Variants in BRD1 observed in about 807,000 individuals in gnomAD.
The protein encoded by BRD1 is bromodomain-containing protein 1.
Under a neutral mutation model 107.7 loss-of-function variants are expected in BRD1, and 24 were observed. The observed-to-expected ratio is 0.22, with a 90% CI of 0.16 to 0.31. The LOEUF is 0.31. Among genes scored for constraint, BRD1 ranks in the 10% least tolerant of loss-of-function variants. The probability of loss-of-function intolerance (pLI) is 1.00; values close to 1 mark genes in which losing one functional copy is unlikely to be tolerated. For missense variants in BRD1, 1,279 were observed against 1,638.6 expected, an observed-to-expected ratio of 0.78 and a Z score of 3.79; for synonymous variants, 744 against 686.1, an observed-to-expected ratio of 1.08 and a Z score of -1.32.
intron 3 of BRD1, among the ~76,000 whole-genome samples, chr22:49,800,269 C>T (rs1402995948): frequency 6.6e-6 from 1 of 152,300 alleles, no homozygotes; most frequent in East Asian, 1.9e-4. Flanking sequence ...ACCCCCACCC[C>T]CAAGGCCAGG....
rs148280130 is a variant in BRD1, at chr22:49,792,584, G to A, written c.2359+1450C>T. Reference sequence around the variant, plus strand: ...CCTTTGGGAGAAGAGAAAACCAAGCGCTCACCTTGAAATAGAAAAGCCTTT... The same window carrying A: ...CCTTTGGGAGAAGAGAAAACCAAGCACTCACCTTGAAATAGAAAAGCCTTT... On this transcript the variant is annotated intron_variant, in intron 7 of 12. Transcript: ENST00000404760. This position sits in a 1 kb window ranked among gnomAD's most constrained non-coding sequence, Gnocchi z 4.2. Among the ~76,000 whole-genome samples the A allele has an allele frequency of 0.019, 2,892 of 152,304 alleles. 81 individuals carry two copies. Among genetic ancestry groups the A allele is most frequent in the African/African-American group, 0.066 (2,725 of 41,550 alleles).
intron 6 of BRD1, among the ~76,000 whole-genome samples, chr22:49,794,587 C>T (rs929368837): frequency 1.3e-5 from 2 of 152,234 alleles, no homozygotes; most frequent in African/African-American, 4.8e-5. Flanking sequence ...GACCAGGACC[C>T]ACTGAGGCTG....
chr22:49,815,185 T>G (rs1412762390), intron 2 of BRD1, among the ~76,000 whole-genome samples: 1 of 152,226 alleles, frequency 6.6e-6, no homozygotes, highest in East Asian at 1.9e-4. Flanking sequence ...ACGCAGCCCA[T>G]GCTCTGAGCA....
chr22:49,811,952 T>C (rs1260862014), intron 2 of BRD1, among the ~76,000 whole-genome samples: 2 of 152,240 alleles, frequency 1.3e-5, no homozygotes, highest in East Asian at 3.8e-4. Context: ...TTTTAAAATA[T>C]ACTAAGATCT....
At position 49,824,264 on chromosome 22, in the gene BRD1, G is replaced by T; in HGVS notation, c.54C>A (p.Ser18=). ...HRGSAARHPS[S]PCSVKHSPTR... is the part of the protein sequence containing the mutation. ...TAGGGGAGTGTTTAACACTGCATGG[G>T]GAAGAAGGATGCCTCGCTGCAGAGC... The change falls in exon 2 of 13, where the codon TCC becomes TCA. Residue 18 remains serine (S), a synonymous_variant. Transcript: ENST00000404760. The surrounding 1 kb of genome is among the most constrained non-coding windows in gnomAD (Gnocchi z 5.9). 6.2e-7 allele frequency: 1 copy of T among 1,614,002 alleles called. No homozygotes were observed. Among genetic ancestry groups the T allele is most frequent in the South Asian group, 1.1e-5 (1 of 91,080 alleles).
intron 7 of BRD1, among the ~76,000 whole-genome samples, chr22:49,793,262 T>C (rs1280971678): frequency 6.6e-6 from 1 of 152,192 alleles, no homozygotes; most frequent in Admixed American, 6.5e-5. Flanking sequence ...ACACACCAGC[T>C]CTACTTCCTC....
Position 49,803,455 on chromosome 22 carries a change from G to C in BRD1, c.1524+749C>G, listed in dbSNP as rs2059679600. The stretch of plus-strand genomic sequence containing the variant: ...GGCTCCTCACTAGGCAGCGTGGGCA[G>C]AGGGCGCTGGCCGCAGGTCCTGGGC... On this transcript the variant is annotated intron_variant, in intron 3 of 12. Transcript: ENST00000404760. This position sits in a 1 kb window ranked among gnomAD's most constrained non-coding sequence, Gnocchi z 4.4. Among the ~76,000 whole-genome samples the C allele has an allele frequency of 6.6e-6, 1 of 152,244 alleles. No individual in the cohort carries two copies. Among genetic ancestry groups the C allele is most frequent in the South Asian group, 2.1e-4 (1 of 4,836 alleles).
Position 49,824,491 on chromosome 22 carries a change from C to T in BRD1, c.-14-160G>A, listed in dbSNP as rs6009884. The stretch of plus-strand genomic sequence containing the variant: ...TTCCAAGGTGTCCAAAACCACACAT[C>T]CAGGCCTGAGCGAGTCCCCAGGACC... On this transcript the variant is annotated intron_variant, in intron 1 of 12. Transcript: ENST00000404760. This position sits in a 1 kb window ranked among gnomAD's most constrained non-coding sequence, Gnocchi z 5.9. 0.012 allele frequency: 17,578 copies of T among 1,435,954 alleles called. 1,032 individuals are homozygous for T. In the African/African-American group the frequency reaches 0.17, roughly 14 times the overall value. 89.0% of individuals were successfully genotyped at this position (1,435,954 alleles called of 1,614,324 possible). A position where few individuals can be genotyped will look rare whatever the true frequency, so the allele number is the denominator to read the frequency against.
chr22:49,799,461 G>A (rs1050496040), intron 3 of BRD1, among the ~76,000 whole-genome samples: 2 of 152,218 alleles, frequency 1.3e-5, no homozygotes, highest in Non-Finnish European at 2.9e-5. Flanking sequence ...CCACAAAGGC[G>A]GGGCCAGGAC....
At chr22:49,782,499 T>G (rs1444715512) in intron 8 of BRD1, among the ~76,000 whole-genome samples, 1 of 135,538 alleles carries the variant, frequency 7.4e-6, no homozygotes, top group African/African-American at 2.8e-5. Flanking sequence ...AAGGCCCATC[T>G]TGCTGGGACC....
chr22:49,797,539 G>A (rs1009031193), intron 6 of BRD1, among the ~76,000 whole-genome samples: 1 of 152,196 alleles, frequency 6.6e-6, no homozygotes, highest in Non-Finnish European at 1.5e-5. Context: ...AAGGTGAAAA[G>A]CTTATATATC....
chr22:49,823,809 T>C lies in BRD1; in HGVS notation c.509A>G (p.Asn170Ser), dbSNP rs1436656382. The C allele has an allele frequency of 1.2e-6, 2 of 1,614,030 alleles. No individual in the cohort carries two copies. The highest frequency in any genetic ancestry group is 1.3e-5 in the African/African-American group (1 of 74,956). The change falls in exon 2 of 13, where the codon AAT becomes AGT. Residue 170 changes from asparagine to serine, a missense_variant. Physicochemically the swap from Asn to Ser is conservative, Grantham distance 46. Around this residue, in one of 7 missense-constraint regions of BRD1, gnomAD observed 223 missense variants for 263.5 expected, o/e 0.85. Coordinates refer to ENST00000404760, the MANE Select transcript of BRD1 (RefSeq NM_001304808.3). ...EEDYAWLEIV[N>S]EKRKGDCVPA... ...GACGCAGTCGCCCTTGCGCTTCTCA[T>C]TGACGATCTCCAGCCAGGCATAGTC...
intron 11 of BRD1, 70 bp from the exon 12 acceptor site, chr22:49,775,815 A>AGCCCCC: frequency 8.8e-7 from 1 of 1,141,502 alleles, no homozygotes; most frequent in South Asian, 1.9e-5. Context: ...TGTCACTGGC[A>AGCCCCC]CCCCCCCCCG....
intron 2 of BRD1, among the ~76,000 whole-genome samples, chr22:49,807,747 A>G (rs975149340): frequency 6.6e-6 from 1 of 152,246 alleles, no homozygotes; most frequent in African/African-American, 2.4e-5. Context: ...AAAAGAAAAA[A>G]TAAACTGGGC....
At chr22:49,787,156 C>A (rs1862862181) in intron 8 of BRD1, among the ~76,000 whole-genome samples, 1 of 152,214 alleles carries the variant, frequency 6.6e-6, no homozygotes, top group Admixed American at 6.5e-5. Context: ...GGCAGCCCAG[C>A]AAGGTTGCAC....
chr22:49,812,165 G>A (rs1009818384), intron 2 of BRD1, among the ~76,000 whole-genome samples: 1 of 145,960 alleles, frequency 6.9e-6, no homozygotes, highest in Non-Finnish European at 1.5e-5. Flanking sequence ...GTGCAATGGC[G>A]CGATCTCGGC....
intron 7 of BRD1, 55 bp from the exon 8 acceptor site, chr22:49,787,942 T>C: frequency 1.4e-6 from 2 of 1,389,674 alleles, no homozygotes; most frequent in Non-Finnish European, 9.6e-7. Flanking sequence ...TAAAATCTAT[T>C]ATAAAACTTA....
chr22:49,803,862 C>T lies in BRD1; in HGVS notation c.1524+342G>A, dbSNP rs1345721864. On this transcript the variant is annotated intron_variant, in intron 3 of 12. Coordinates refer to ENST00000404760, the MANE Select transcript of BRD1 (RefSeq NM_001304808.3). The surrounding 1 kb of genome is among the most constrained non-coding windows in gnomAD (Gnocchi z 4.4). The stretch of plus-strand genomic sequence containing the variant: ...ACTCCTGCTGTCCCCAGCCCGGACG[C>T]TCATGCAGCCACAGCATAACACATC... Among the ~76,000 whole-genome samples the T allele has an allele frequency of 2.0e-5, 3 of 152,232 alleles. No homozygotes were observed.
chr22:49,777,832 G>A lies in BRD1; in HGVS notation c.2858-19C>T. On this transcript the variant is annotated intron_variant, in intron 8 of 12. Transcript: ENST00000404760. ...GTGAGACCTGGAACACAGGCGGGCAGGCCCTGAGCTCAGCACAACCAGGGC... is the reference window on the plus strand; with the variant it reads ...GTGAGACCTGGAACACAGGCGGGCAAGCCCTGAGCTCAGCACAACCAGGGC... 6 of 1,585,074 alleles carry A rather than the reference G, an allele frequency of 3.8e-6. No homozygotes were observed. The highest frequency in any genetic ancestry group is 4.3e-6 in the Non-Finnish European group (5 of 1,169,016).
Sources: gnomAD v4.1 joint callset for allele counts (sites outside exome capture counted in the v4.1 genomes callset) on GRCh38, gnomAD v4.1.1 for gene constraint, gnomAD v4.1.1 regional missense constraint, Gnocchi (gnomAD v3.1) non-coding constraint, MANE v1.5 for transcripts, NCBI Gene and HGNC (gene_info 2026-07-23, HGNC 2026-07-21) for gene names.